The following C5AR2 variants were observed in gnomAD, a reference collection of about 807,000 sequenced individuals.
C5AR2 encodes the protein complement C5a receptor 2, also known as C5a anaphylatoxin chemotactic receptor 2.
For missense variants in C5AR2, 458 were observed against 467.5 expected (o/e 0.98, Z 0.19); for synonymous variants, 224 against 216.5 (o/e 1.03, Z -0.30).
In C5AR2 at chr19:47,341,850, C is replaced by T; in HGVS notation, c.*37C>T. On this transcript the variant is annotated 3_prime_UTR_variant, in exon 2 of 2. Coordinates refer to ENST00000595464, the MANE Select transcript of C5AR2 (RefSeq NM_001271749.2). This position sits in a 1 kb window ranked among gnomAD's most constrained non-coding sequence, Gnocchi z 4.6. ...ATTGTGGGTGTGTATCTTCTTATCTCATTTCACAAGACTGGCTTCAGGCAT... is the reference window on the plus strand; with the variant it reads ...ATTGTGGGTGTGTATCTTCTTATCTTATTTCACAAGACTGGCTTCAGGCAT... The T allele has an allele frequency of 3.8e-6, 6 of 1,584,726 alleles. No homozygotes were observed. The highest frequency in any genetic ancestry group is 5.2e-6 in the Non-Finnish European group (6 of 1,157,434).
chr19:47,346,719 TAAGA>T lies in C5AR2; in HGVS notation c.*4912_*4915del, dbSNP rs999950492. On this transcript the variant is annotated 3_prime_UTR_variant, in exon 2 of 2. Coordinates refer to ENST00000595464, the MANE Select transcript of C5AR2 (RefSeq NM_001271749.2). ...GACTCCGTCTAAAAAAAAAAAATAG[TAAGA>T]AAGAAGGAAAGACACAAAGACAGAA... 1 of 150,690 alleles carries T rather than the reference TAAGA, an allele frequency of 6.6e-6. No individual in the cohort carries two copies. Among genetic ancestry groups the T allele is most frequent in the Non-Finnish European group, 1.5e-5 (1 of 67,708 alleles). The allele number at this position is 150,690 out of a possible 1,614,324, so 9.3% of individuals were successfully genotyped here.
In C5AR2 at chr19:47,341,573, G is replaced by A. The variant is rs774801555; in HGVS notation, c.774G>A (p.Val258=). ...ACCTGCTGGGGCTGGTGCTCACTGT[G>A]GCGGCCCCGAACTCCGCACTCCTGG... ...PYHLLGLVLT[V]AAPNSALLAR... The change falls in exon 2 of 2, where the codon GTG becomes GTA. Residue 258 remains valine, a synonymous_variant. Coordinates refer to ENST00000595464, the MANE Select transcript of C5AR2 (RefSeq NM_001271749.2). This position sits in a 1 kb window ranked among gnomAD's most constrained non-coding sequence, Gnocchi z 4.6. 1 of 1,613,578 alleles carries A rather than the reference G, an allele frequency of 6.2e-7. No individual in the cohort carries two copies. The highest frequency in any genetic ancestry group is 2.2e-5 in the East Asian group (1 of 44,884).
At chr19:47,336,123 G>C (rs1478028586) in intron 1 of C5AR2, among the ~76,000 whole-genome samples, 1 of 151,958 alleles carries the variant, frequency 6.6e-6, no homozygotes, top group Non-Finnish European at 1.5e-5. Flanking sequence ...CAGTCTCGCT[G>C]TTGTCGCCCA....
In C5AR2 at chr19:47,340,827, T is replaced by C; in HGVS notation, c.28T>C (p.Tyr10His). The part of the protein sequence containing the change: MGNDSVSYE[Y>H]GDYSDLSDRP... ...GGGGAACGATTCTGTCAGCTACGAG[T>C]ATGGGGATTACAGCGACCTCTCGGA... Residue 10 changes from tyrosine (Y) to histidine (H), a missense_variant, in exon 2 of 2, where the codon TAT (tyrosine) becomes CAT (histidine). Tyr to His is a moderately conservative substitution (Grantham distance 83). Coordinates refer to ENST00000595464, the MANE Select transcript of C5AR2 (RefSeq NM_001271749.2). The C allele has an allele frequency of 6.2e-7, 1 of 1,613,328 alleles. No individual in the cohort carries two copies. Among genetic ancestry groups the C allele is most frequent in the Non-Finnish European group, 8.5e-7 (1 of 1,179,938 alleles).
At position 47,340,897 on chromosome 19, in the gene C5AR2, C is replaced by T. The variant is rs200440279; in HGVS notation, c.98C>T (p.Pro33Leu). 4.2e-5 allele frequency: 67 copies of T among 1,613,148 alleles called. No homozygotes were observed. The highest frequency in any genetic ancestry group is 2.5e-4 in the East Asian group (11 of 44,862). ...GATGGCGCCTGCCTGGCCATCGACCCGCTGCGCGTGGCCCCGCTCCCACTG... is the reference window on the plus strand; with the variant it reads ...GATGGCGCCTGCCTGGCCATCGACCTGCTGCGCGTGGCCCCGCTCCCACTG... ...CLDGACLAID[P>L]LRVAPLPLYA... Residue 33 changes from proline to leucine, a missense_variant, in exon 2 of 2, where the codon CCG becomes CTG. By Grantham distance (98) the Pro-to-Leu change is moderately conservative. Transcript: ENST00000595464.
rs914856792 is a variant in C5AR2, at chr19:47,342,772, G to C, written c.*959G>C. On this transcript the variant is annotated 3_prime_UTR_variant, in exon 2 of 2. Transcript: ENST00000595464. ...ATCCCAGAGAGGAGGCTACTGTAAT[G>C]GTCCAAGCAGGAGGTGATAGCGATT... 1.3e-5 allele frequency: 2 copies of C among 152,196 alleles called. No individual in the cohort carries two copies. The highest frequency in any genetic ancestry group is 2.4e-5 in the African/African-American group (1 of 41,392). 9.4% of individuals were successfully genotyped at this position (152,196 alleles called of 1,614,324 possible). A position where few individuals can be genotyped will look rare whatever the true frequency, so the allele number is the denominator to read the frequency against.
At chr19:47,340,346 A>ATT (rs1234196666) in intron 1 of C5AR2, among the ~76,000 whole-genome samples, 56 of 133,814 alleles carry the variant, frequency 4.2e-4, no homozygotes, top group Middle Eastern at 4.2e-3. Context: ...TAGAATTCCA[A>ATT]TTTTTTTTTT....
At chr19:47,340,346 A>G (rs895726915) in intron 1 of C5AR2, among the ~76,000 whole-genome samples, 1 of 133,822 alleles carries the variant, frequency 7.5e-6, no homozygotes, top group Non-Finnish European at 1.6e-5. Context: ...TAGAATTCCA[A>G]TTTTTTTTTT....
rs768761019 is a variant in C5AR2, at chr19:47,335,771, C to CAAA, written c.-16+3451_-16+3453dup. 6.8e-3 allele frequency among the ~76,000 whole-genome samples: 156 copies of CAAA among 23,038 alleles called. 64 individuals are homozygous for CAAA. Among genetic ancestry groups the CAAA allele is most frequent in the African/African-American group, 9.3e-3 (44 of 4,754 alleles). The allele number at this position is 23,038 out of a possible 152,430, so 15.1% of individuals were successfully genotyped here. ...TGGGCGACAGAGTGATACTCCGTCT[C>CAAA]AAAAAAAAAAAAAAAAAAAAAAAAA... On this transcript the variant is annotated intron_variant, in intron 1 of 1. Coordinates refer to ENST00000595464, the MANE Select transcript of C5AR2 (RefSeq NM_001271749.2).
Position 47,341,311 on chromosome 19 carries a change from T to C in C5AR2, c.512T>C (p.Ile171Thr), listed in dbSNP as rs142110343. Reference sequence around the variant, plus strand: ...TTGCTGCTCACCGTGCCCTCCGCCATCTACCGCCGGCTGCACCAGGAGCAC... The same window carrying C: ...TTGCTGCTCACCGTGCCCTCCGCCACCTACCGCCGGCTGCACCAGGAGCAC... ...LALLLTVPSA[I>T]YRRLHQEHFP... The change falls in exon 2 of 2, where the codon ATC becomes ACC. Residue 171 changes from isoleucine (I) to threonine (T), a missense_variant. By Grantham distance (89) the Ile-to-Thr change is moderately conservative (BLOSUM62 -1). Transcript: ENST00000595464. The surrounding 1 kb of genome is among the most constrained non-coding windows in gnomAD (Gnocchi z 4.6). The C allele has an allele frequency of 1.8e-5, 29 of 1,609,944 alleles. No individual in the cohort carries two copies. The highest frequency in any genetic ancestry group is 2.3e-5 in the Non-Finnish European group (27 of 1,179,872).
At chr19:47,335,806 A>AAAAAAAAAAAAT (rs2059355451) in intron 1 of C5AR2, among the ~76,000 whole-genome samples, 1 of 130,088 alleles carries the variant, frequency 7.7e-6, no homozygotes, top group Non-Finnish European at 1.6e-5. Context: ...AAAAAAAGAA[A>AAAAAAAAAAAAT]GTTTTCGTTT....
In C5AR2 at chr19:47,347,131, T is replaced by C. The variant is rs1368124858; in HGVS notation, c.*5318T>C. ...TTCTAAAGTTTGTCTATTTCTGCTATTTGTTTTTTTACCATAGAAATATTG... is the reference window on the plus strand; with the variant it reads ...TTCTAAAGTTTGTCTATTTCTGCTACTTGTTTTTTTACCATAGAAATATTG... On this transcript the variant is annotated 3_prime_UTR_variant, in exon 2 of 2. Coordinates refer to ENST00000595464, the MANE Select transcript of C5AR2 (RefSeq NM_001271749.2). 1 of 152,184 alleles carries C rather than the reference T, an allele frequency of 6.6e-6. No individual in the cohort carries two copies. Among genetic ancestry groups the C allele is most frequent in the Admixed American group, 6.6e-5 (1 of 15,266 alleles). The allele number at this position is 152,184 out of a possible 1,614,324, so 9.4% of individuals were successfully genotyped here.
Position 47,345,717 on chromosome 19 carries a change from A to G in C5AR2, c.*3904A>G, listed in dbSNP as rs1969110849. Reference sequence around the variant, plus strand: ...ATTTTACTCTGAATTATCATGCGTGAATTAAGACCAAGGCTGTCTTGTAAA... The same window carrying G: ...ATTTTACTCTGAATTATCATGCGTGGATTAAGACCAAGGCTGTCTTGTAAA... On this transcript the variant is annotated 3_prime_UTR_variant, in exon 2 of 2. Coordinates refer to ENST00000595464, the MANE Select transcript of C5AR2 (RefSeq NM_001271749.2). 6.6e-6 allele frequency: 1 copy of G among 151,922 alleles called. No homozygotes were observed. The highest frequency in any genetic ancestry group is 6.6e-5 in the Admixed American group (1 of 15,214). The allele number at this position is 151,922 out of a possible 1,614,324, so 9.4% of individuals were successfully genotyped here.
chr19:47,339,334 T>C (rs2059373143), intron 1 of C5AR2, among the ~76,000 whole-genome samples: 2 of 151,910 alleles, frequency 1.3e-5, no homozygotes, highest in African/African-American at 4.8e-5. Context: ...TTTCTTTTTT[T>C]GAGATGGAGT....
rs998622098 is a variant in C5AR2 at position 47,344,759 on chromosome 19, A to T, written c.*2946A>T. The T allele has an allele frequency of 6.6e-6, 1 of 151,784 alleles. No homozygotes were observed. The highest frequency in any genetic ancestry group is 2.4e-5 in the African/African-American group (1 of 41,342). 9.4% of individuals were successfully genotyped at this position (151,784 alleles called of 1,614,324 possible). ...TTCCCCAAGGGTAACAACTGGACTA[A>T]TTTTTTTTAATTTAATTTAATTTTA... On this transcript the variant is annotated 3_prime_UTR_variant, in exon 2 of 2. Coordinates refer to ENST00000595464, the MANE Select transcript of C5AR2 (RefSeq NM_001271749.2).
intron 1 of C5AR2, among the ~76,000 whole-genome samples, chr19:47,339,086 G>A (rs1007568546): frequency 5.3e-5 from 8 of 151,604 alleles, no homozygotes; most frequent in East Asian, 2.0e-4. Flanking sequence ...CCCAGGAGGC[G>A]GAGGTTGCAG....
rs1599744494 is a variant in C5AR2, at chr19:47,344,870, T to C, written c.*3057T>C. 1 of 151,960 alleles carries C rather than the reference T, an allele frequency of 6.6e-6. No individual in the cohort carries two copies. Among genetic ancestry groups the C allele is most frequent in the Non-Finnish European group, 1.5e-5 (1 of 68,010 alleles). The allele number at this position is 151,960 out of a possible 1,614,324, so 9.4% of individuals were successfully genotyped here. On this transcript the variant is annotated 3_prime_UTR_variant, in exon 2 of 2. Transcript: ENST00000595464. ...CTGACCGCAACCTCCACCTCCCGGG[T>C]TCAAGCGATTCTTATGCCTCAGCCT...
At position 47,336,428 on chromosome 19, in the gene C5AR2, CT is replaced by C. The variant is rs1568668301; in HGVS notation, c.-16+4082del. Among the ~76,000 whole-genome samples the C allele has an allele frequency of 1.1e-4, 13 of 122,204 alleles. No homozygotes were observed. The Middle Eastern group carries it at 0.012, about 116-fold the overall frequency. 80.2% of individuals were successfully genotyped at this position (122,204 alleles called of 152,430 possible). A position where few individuals can be genotyped will look rare whatever the true frequency, so the allele number is the denominator to read the frequency against. The stretch of plus-strand genomic sequence containing the variant: ...TTTTTAAATGCTGTACTCTTTCTTT[CT>C]TTCTTTCCTTCCTTCCTTCCTTCCT... On this transcript the variant is annotated intron_variant, in intron 1 of 1. Transcript: ENST00000595464.
Position 47,341,411 on chromosome 19 carries a change from G to T in C5AR2, c.612G>T (p.Arg204=). ...CCGAGAATGCGGTGACTGCCATCCG[G>T]TTTCTTTTTGGCTTCCTGGGGCCCC... ...SSTENAVTAI[R]FLFGFLGPLV... is the part of the protein sequence containing the mutation. Residue 204 remains arginine (R), a synonymous_variant, in exon 2 of 2, where the codon CGG becomes CGT. Transcript: ENST00000595464. The surrounding 1 kb of genome is among the most constrained non-coding windows in gnomAD (Gnocchi z 4.6). The T allele has an allele frequency of 6.2e-7, 1 of 1,612,612 alleles. No individual in the cohort carries two copies. The highest frequency in any genetic ancestry group is 8.5e-7 in the Non-Finnish European group (1 of 1,179,900).
Sources: allele counts gnomAD v4.1 joint callset (sites outside exome capture counted in the v4.1 genomes callset), GRCh38; gene constraint gnomAD v4.1.1; non-coding constraint Gnocchi (gnomAD v3.1); transcripts MANE v1.5; gene names NCBI Gene and HGNC (gene_info 2026-07-23, HGNC 2026-07-21).